Variants in AAMDC observed in about 807,000 individuals in gnomAD.
AAMDC encodes the protein adipogenesis associated Mth938 domain containing, also known as mth938 domain-containing protein.
Under a neutral mutation model 15.5 loss-of-function variants are expected in AAMDC, and 16 were observed. The observed-to-expected ratio is 1.03, with a 90% confidence interval of 0.70 to 1.57. AAMDC has a LOEUF of 1.57. AAMDC is among the 40% of genes most tolerant of loss of function. The pLI, the probability that AAMDC is intolerant of heterozygous loss-of-function variation, is 0.00. For missense variants in AAMDC, 141 were observed against 144.9 expected, an observed-to-expected ratio of 0.97 and a Z score of 0.14; for synonymous variants, 51 against 51.6, an observed-to-expected ratio of 0.99 and a Z score of 0.05.
At chr11:77,887,291 C>T (rs1952054809) in intron 5 of AAMDC, among the ~76,000 whole-genome samples, 1 of 152,116 alleles carries the variant, frequency 6.6e-6, no homozygotes, top group Admixed American at 6.5e-5. Context: ...TAAATGTAAT[C>T]CATCATATAA....
chr11:77,878,837 T>C (rs1951681996), intron 5 of AAMDC: 1 of 815,780 alleles, frequency 1.2e-6, no homozygotes, highest in African/African-American at 1.7e-5. Context: ...ACTGTAAGGG[T>C]CACATACTCC....
At chr11:77,862,204 C>T (rs1471037987) in intron 2 of AAMDC, among the ~76,000 whole-genome samples, 3 of 152,154 alleles carry the variant, frequency 2.0e-5, no homozygotes, top group African/African-American at 7.2e-5. Context: ...TGTGGGGAAT[C>T]GTTCTCATTC....
chr11:77,878,369 A>C (rs1951666053), intron 5 of AAMDC, among the ~76,000 whole-genome samples: 1 of 152,092 alleles, frequency 6.6e-6, no homozygotes, highest in East Asian at 1.9e-4. Context: ...CTCAAAAAAA[A>C]AAAAAAAATT....
chr11:77,842,810 T>C (rs964695807), intron 2 of AAMDC, among the ~76,000 whole-genome samples, 182 bp downstream of exon 2: 1 of 152,236 alleles, frequency 6.6e-6, no homozygotes, highest in African/African-American at 2.4e-5. Flanking sequence ...TCAATGCCCC[T>C]GTAGTGACAT....
intron 5 of AAMDC, among the ~76,000 whole-genome samples, chr11:77,885,345 G>A (rs1951959462): frequency 1.3e-5 from 2 of 152,064 alleles, no homozygotes; most frequent in South Asian, 2.1e-4. Context: ...CCAAAGTGTT[G>A]GGATTACAGG....
chr11:77,854,790 C>A (rs1349017710), intron 2 of AAMDC, among the ~76,000 whole-genome samples: 1 of 152,242 alleles, frequency 6.6e-6, no homozygotes, highest in African/African-American at 2.4e-5. Context: ...TAACCACTGT[C>A]CCAGTGGGGA....
downstream of AAMDC, chr11:77,876,851 A>G (rs989824204): frequency 2.1e-5 from 13 of 625,440 alleles, no homozygotes; most frequent in Non-Finnish European, 2.9e-5. Context: ...AGGGGTACTT[A>G]TCTGAAAAAT....
At chr11:77,852,358 A>G (rs1476896929) in intron 2 of AAMDC, among the ~76,000 whole-genome samples, 1 of 152,104 alleles carries the variant, frequency 6.6e-6, no homozygotes, top group African/African-American at 2.4e-5. Context: ...GTTGGCATAC[A>G]ATTTTAGATG....
chr11:77,899,535 T>C (rs1366309304), intron 5 of AAMDC, among the ~76,000 whole-genome samples: 2 of 151,788 alleles, frequency 1.3e-5, no homozygotes, highest in South Asian at 2.1e-4. Flanking sequence ...CCGGGCATGG[T>C]GTTGCATGCC....
At chr11:77,860,128 T>C (rs967013055) in intron 2 of AAMDC, among the ~76,000 whole-genome samples, 1 of 152,224 alleles carries the variant, frequency 6.6e-6, no homozygotes, top group African/African-American at 2.4e-5. Context: ...ATCCCTGTTT[T>C]TTCTGTGATA....
intron 1 of AAMDC, among the ~76,000 whole-genome samples, chr11:77,824,591 A>G (rs1949082415): frequency 6.6e-6 from 1 of 152,208 alleles, no homozygotes; most frequent in African/African-American, 2.4e-5. Flanking sequence ...TGAATCTTAA[A>G]AACATGTTGA....
chr11:77,833,697 T>C (rs1316936018), intron 1 of AAMDC, among the ~76,000 whole-genome samples: 2 of 152,234 alleles, frequency 1.3e-5, no homozygotes, highest in East Asian at 1.9e-4. Context: ...ACTTCATTTG[T>C]ACCTATTAGA....
At chr11:77,866,059 A>G (rs1951093992) in intron 2 of AAMDC, among the ~76,000 whole-genome samples, 1 of 152,230 alleles carries the variant, frequency 6.6e-6, no homozygotes. Flanking sequence ...TTTATCAGCA[A>G]TACAGCCAGA....
downstream of AAMDC, among the ~76,000 whole-genome samples, chr11:77,875,556 T>A (rs1951572264): frequency 6.6e-6 from 1 of 152,226 alleles, no homozygotes; most frequent in Non-Finnish European, 1.5e-5. Context: ...ACAGAGAATG[T>A]GCTCTCTGAT....
intron 5 of AAMDC, chr11:77,878,945 T>A (rs1951685322): frequency 6.2e-7 from 1 of 1,613,144 alleles, no homozygotes; most frequent in Non-Finnish European, 8.5e-7. Flanking sequence ...AGACTGTTTT[T>A]GCCTTAGCGC....
chr11:77,897,687 A>C (rs893783071), intron 5 of AAMDC, among the ~76,000 whole-genome samples: 7 of 147,448 alleles, frequency 4.7e-5, no homozygotes, highest in Admixed American at 4.1e-4. Flanking sequence ...TTTTATTTTT[A>C]GTAGAGACGG....
chr11:77,873,542 C>CTT (rs1951514644), downstream of AAMDC, among the ~76,000 whole-genome samples: 1 of 152,170 alleles, frequency 6.6e-6, no homozygotes, highest in Non-Finnish European at 1.5e-5. Context: ...TACTAATTTT[C>CTT]TTATGACCAG....
At chr11:77,822,243 C>G (rs1028096726) in intron 1 of AAMDC, among the ~76,000 whole-genome samples, 62 of 151,644 alleles carry the variant, frequency 4.1e-4, no homozygotes, top group African/African-American at 1.5e-3. Flanking sequence ...AGTTCCAGAC[C>G]AGCCTGGGCA....
downstream of AAMDC, among the ~76,000 whole-genome samples, chr11:77,905,394 T>C (rs1199927951): frequency 6.6e-6 from 1 of 151,612 alleles, no homozygotes. Context: ...GAGGCAGAGG[T>C]TGCAGCAGTG....
Sources: gnomAD v4.1 joint callset for allele counts (sites outside exome capture counted in the v4.1 genomes callset) on GRCh38, gnomAD v4.1.1 for gene constraint, MANE v1.5 for transcripts, NCBI Gene and HGNC (gene_info 2026-07-23, HGNC 2026-07-21) for gene names.